KIAA1328: variants seen among roughly 807,000 people sequenced by gnomAD.
The protein encoded by KIAA1328 is KIAA1328.
A neutral mutation model predicts 68.1 loss-of-function variants in KIAA1328; 52 were observed. That is an observed-to-expected ratio of 0.76 (90% CI 0.61 to 0.96). The LOEUF (loss-of-function observed/expected upper bound fraction) is 0.96, where lower values mean the gene tolerates loss of function less well. Among genes scored for constraint, KIAA1328 ranks in the 40% least tolerant of loss-of-function variants. The probability of loss-of-function intolerance (pLI) is 0.00; values close to 1 mark genes in which losing one functional copy is unlikely to be tolerated. For synonymous variants in KIAA1328, 232 were observed against 239.4 expected (o/e 0.97, Z 0.28); for missense variants, 641 against 677.6 (o/e 0.95, Z 0.60).
At chr18:36,837,103 T>C (rs1255957742) in intron 3 of KIAA1328, among the ~76,000 whole-genome samples, 7 of 152,192 alleles carry the variant, frequency 4.6e-5, no homozygotes, top group African/African-American at 1.7e-4. Context: ...TTCAGTTCTC[T>C]TGTGTATATA....
intron 4 of KIAA1328, among the ~76,000 whole-genome samples, chr18:36,863,156 T>C (rs1220550469): frequency 1.3e-5 from 2 of 152,148 alleles, no homozygotes; most frequent in African/African-American, 4.8e-5. Flanking sequence ...AATAAAAGTT[T>C]TGAATTTAAC....
At chr18:36,998,520 G>C (rs1231999806) in intron 6 of KIAA1328, among the ~76,000 whole-genome samples, 1 of 152,188 alleles carries the variant, frequency 6.6e-6, no homozygotes, top group Non-Finnish European at 1.5e-5. Context: ...ATTGTACTGT[G>C]GCACAAAGAT....
chr18:36,945,288 G>A (rs2050859078), intron 5 of KIAA1328, among the ~76,000 whole-genome samples: 1 of 152,130 alleles, frequency 6.6e-6, no homozygotes, highest in Non-Finnish European at 1.5e-5. Context: ...CTGCTGAACA[G>A]TCCACATAAG....
intron 7 of KIAA1328, among the ~76,000 whole-genome samples, chr18:37,159,739 G>A (rs991476590): frequency 6.6e-6 from 1 of 152,038 alleles, no homozygotes. Context: ...TACTCCTTAC[G>A]TACTCTGGGT....
chr18:37,086,278 A>C (rs377310900), intron 7 of KIAA1328, among the ~76,000 whole-genome samples: 26 of 152,350 alleles, frequency 1.7e-4, no homozygotes, highest in South Asian at 1.7e-3. Flanking sequence ...GGATTTGTTA[A>C]CCAGCTTGAT....
chr18:37,105,362 A>G (rs2057740692), intron 7 of KIAA1328, among the ~76,000 whole-genome samples: 1 of 152,004 alleles, frequency 6.6e-6, no homozygotes, highest in Non-Finnish European at 1.5e-5. Context: ...GTGGTGGTGC[A>G]TGCCTGTTGT....
chr18:37,020,205 T>A (rs564902831), intron 6 of KIAA1328, among the ~76,000 whole-genome samples: 1 of 152,094 alleles, frequency 6.6e-6, no homozygotes, highest in African/African-American at 2.4e-5. Context: ...CTCACTGCAA[T>A]GTCTGCCTCC....
At chr18:36,995,148 C>T (rs1012871422) in intron 6 of KIAA1328, among the ~76,000 whole-genome samples, 30 of 152,066 alleles carry the variant, frequency 2.0e-4, no homozygotes, top group African/African-American at 7.0e-4. Flanking sequence ...TGATGTTCCC[C>T]TCCCTGTGTC....
chr18:36,992,439 T>C (rs1266238111), intron 6 of KIAA1328, among the ~76,000 whole-genome samples: 1 of 103,460 alleles, frequency 9.7e-6, no homozygotes, highest in Non-Finnish European at 2.1e-5. Flanking sequence ...TCCAATTTCT[T>C]TTCTTTTCTT....
intron 6 of KIAA1328, among the ~76,000 whole-genome samples, chr18:36,985,133 C>A (rs1053387197): frequency 6.6e-6 from 1 of 151,902 alleles, no homozygotes; most frequent in Non-Finnish European, 1.5e-5. Flanking sequence ...CAGACCCTTT[C>A]TCTCCAAAAT....
intron 7 of KIAA1328, among the ~76,000 whole-genome samples, chr18:37,082,992 C>A (rs974973478): frequency 6.6e-6 from 1 of 152,102 alleles, no homozygotes; most frequent in Non-Finnish European, 1.5e-5. Context: ...AACGTGTCAC[C>A]TTGAGAGAGT....
At chr18:36,916,461 A>T (rs1460002184) in intron 5 of KIAA1328, among the ~76,000 whole-genome samples, 1 of 151,542 alleles carries the variant, frequency 6.6e-6, no homozygotes, top group Non-Finnish European at 1.5e-5. Context: ...TTCTGTTCAG[A>T]TTTTCTTCAT....
intron 5 of KIAA1328, among the ~76,000 whole-genome samples, chr18:36,944,447 C>T (rs1391093766): frequency 1.3e-5 from 2 of 152,032 alleles, no homozygotes; most frequent in Non-Finnish European, 2.9e-5. Flanking sequence ...GGCATGGTGG[C>T]GGGCGCCTCT....
At chr18:37,113,160 G>A (rs537422892) in intron 7 of KIAA1328, among the ~76,000 whole-genome samples, 5 of 152,150 alleles carry the variant, frequency 3.3e-5, no homozygotes, top group African/African-American at 4.8e-5. Flanking sequence ...TACAGAGAAT[G>A]CCACAAAGAT....
intron 4 of KIAA1328, among the ~76,000 whole-genome samples, chr18:36,852,996 T>C (rs1401043134): frequency 6.6e-6 from 1 of 152,238 alleles, no homozygotes; most frequent in African/African-American, 2.4e-5. Context: ...TTGGTGTATA[T>C]TTTTATAATT....
chr18:37,006,130 T>C (rs1310636904), intron 6 of KIAA1328, among the ~76,000 whole-genome samples: 1 of 152,112 alleles, frequency 6.6e-6, no homozygotes, highest in African/African-American at 2.4e-5. Context: ...TATATATGCA[T>C]AATAAAATAT....
intron 6 of KIAA1328, among the ~76,000 whole-genome samples, chr18:37,032,843 G>A (rs1448700154): frequency 6.6e-6 from 1 of 152,056 alleles, no homozygotes; most frequent in African/African-American, 2.4e-5. Flanking sequence ...GTTTCTCCAT[G>A]TTGGTCAGGC....
intron 6 of KIAA1328, among the ~76,000 whole-genome samples, chr18:37,054,122 C>T (rs1415883199): frequency 6.6e-6 from 1 of 152,020 alleles, no homozygotes; most frequent in Non-Finnish European, 1.5e-5. Context: ...TTACATCAGT[C>T]AAAATGGCTA....
chr18:36,895,684 G>A (rs185792823), intron 5 of KIAA1328: 44 of 450,528 alleles, frequency 9.8e-5, no homozygotes, highest in Non-Finnish European at 1.5e-4. Context: ...AAGAATTTGC[G>A]ATGGACTGAA....
Sources: gnomAD v4.1 joint callset for allele counts (sites outside exome capture counted in the v4.1 genomes callset) on GRCh38, gnomAD v4.1.1 for gene constraint, MANE v1.5 for transcripts, NCBI Gene and HGNC (gene_info 2026-07-23, HGNC 2026-07-21) for gene names.